Variants in LYPLAL1 observed in about 807,000 individuals in gnomAD.
LYPLAL1 encodes lysophospholipase like 1, also known as lysophospholipase-like protein 1.
A neutral mutation model predicts 19.7 loss-of-function variants in LYPLAL1; 23 were observed. The ratio of observed to expected loss-of-function variants is 1.17; its 90% CI spans 0.84 to 1.65. LYPLAL1 has a LOEUF of 1.65. Ranked by LOEUF, LYPLAL1 falls within the 40% of genes most tolerant of loss-of-function variation. The probability of loss-of-function intolerance (pLI) is 0.00; values close to 1 mark genes in which losing one functional copy is unlikely to be tolerated. For missense variants in LYPLAL1, 355 were observed against 279.4 expected (o/e 1.27, Z -1.93); for synonymous variants, 119 against 96.3 (o/e 1.24, Z -1.38).
chr1:219,326,033 C>A, the LYPLAL1 span, among the ~76,000 whole-genome samples: 1 of 152,162 alleles, frequency 6.6e-6, no homozygotes, highest in East Asian at 1.9e-4. Context: ...CCTGCCTCAG[C>A]CTCCCGAGTA....
At chr1:219,242,950 C>T in the LYPLAL1 span, among the ~76,000 whole-genome samples, 2 of 152,052 alleles carry the variant, frequency 1.3e-5, no homozygotes, top group African/African-American at 2.4e-5. Flanking sequence ...GTGTGTCAAA[C>T]CAGGCATCCG....
At chr1:219,388,848 C>T in the LYPLAL1 span, among the ~76,000 whole-genome samples, 1 of 152,078 alleles carries the variant, frequency 6.6e-6, no homozygotes, top group African/African-American at 2.4e-5. Context: ...TTCATTATTA[C>T]TTGATGAGAC....
At chr1:219,295,453 C>A in the LYPLAL1 span, among the ~76,000 whole-genome samples, 611 of 152,210 alleles carry the variant, frequency 4.0e-3, 12 homozygotes, top group Non-Finnish European at 3.6e-3. Flanking sequence ...AGATATAAGA[C>A]AAATTTTCGG....
chr1:219,352,515 T>G, the LYPLAL1 span, among the ~76,000 whole-genome samples: 2 of 151,814 alleles, frequency 1.3e-5, no homozygotes, highest in Admixed American at 1.3e-4. Flanking sequence ...AGACTCCGTC[T>G]CAAATAAATA....
chr1:219,321,369 A>C, the LYPLAL1 span, among the ~76,000 whole-genome samples: 2 of 151,984 alleles, frequency 1.3e-5, no homozygotes, highest in Admixed American at 1.3e-4. Context: ...AGATTGCAAA[A>C]ATTTTCTCCC....
the LYPLAL1 span, among the ~76,000 whole-genome samples, chr1:219,389,085 A>G: frequency 6.6e-6 from 1 of 152,156 alleles, no homozygotes; most frequent in Non-Finnish European, 1.5e-5. Context: ...TTTGGTATAA[A>G]ATGTATTCTC....
At chr1:219,378,972 AAC>A in the LYPLAL1 span, among the ~76,000 whole-genome samples, 2 of 152,214 alleles carry the variant, frequency 1.3e-5, no homozygotes, top group African/African-American at 4.8e-5. Context: ...GTTAAAGGAA[AAC>A]ACAAATTCAT....
Position 219,211,735 on chromosome 1 carries a change from C to G in LYPLAL1, c.*7C>G. 6.4e-7 allele frequency: 1 copy of G among 1,561,478 alleles called. No individual in the cohort carries two copies. ...AATGGAAAAACAAAAATGAATGAAT[C>G]AAGAGTGATTTGTTAATGTAAGTGT... On this transcript the variant is annotated 3_prime_UTR_variant, in exon 5 of 5. Coordinates refer to ENST00000366928, the MANE Select transcript of LYPLAL1 (RefSeq NM_138794.5).
At chr1:219,190,232 A>G (rs1301277011) in intron 2 of LYPLAL1, among the ~76,000 whole-genome samples, 1 of 151,620 alleles carries the variant, frequency 6.6e-6, no homozygotes, top group African/African-American at 2.4e-5. Flanking sequence ...TTCATTATAT[A>G]TAGCATATGT....
At chr1:219,204,000 T>G (rs1658337281) in intron 3 of LYPLAL1, among the ~76,000 whole-genome samples, 1 of 152,158 alleles carries the variant, frequency 6.6e-6, no homozygotes, top group South Asian at 2.1e-4. Context: ...TATGCACTGC[T>G]TTCTTAATAG....
At chr1:219,342,368 C>T in the LYPLAL1 span, among the ~76,000 whole-genome samples, 621 of 152,192 alleles carry the variant, frequency 4.1e-3, 5 homozygotes, top group Middle Eastern at 0.061. Context: ...TGATTTGGGA[C>T]CCCCTTAGCT....
At chr1:219,287,884 C>T in the LYPLAL1 span, among the ~76,000 whole-genome samples, 91 of 152,232 alleles carry the variant, frequency 6.0e-4, no homozygotes, top group Non-Finnish European at 5.9e-4. Flanking sequence ...AGCACTTCCC[C>T]CTTCACTCTT....
chr1:219,428,248 A>G, the LYPLAL1 span, among the ~76,000 whole-genome samples: 6 of 152,360 alleles, frequency 3.9e-5, no homozygotes, highest in South Asian at 1.0e-3. Flanking sequence ...TGCCATTTGC[A>G]TAAGTGTTTC....
the LYPLAL1 span, among the ~76,000 whole-genome samples, chr1:219,413,718 T>C: frequency 6.6e-6 from 1 of 152,204 alleles, no homozygotes; most frequent in African/African-American, 2.4e-5. Flanking sequence ...TTATATCCAT[T>C]AGCCCTGCCA....
the LYPLAL1 span, among the ~76,000 whole-genome samples, chr1:219,381,990 T>G: frequency 2.6e-5 from 4 of 152,216 alleles, no homozygotes; most frequent in African/African-American, 4.8e-5. Context: ...TAAACAGATC[T>G]AGCCTGCACT....
chr1:219,261,757 G>A, the LYPLAL1 span, among the ~76,000 whole-genome samples: 34,134 of 151,960 alleles, frequency 0.22, 4,135 homozygotes, highest in African/African-American at 0.29. Flanking sequence ...TAGGTTTTTC[G>A]TTACAGGTTA....
chr1:219,439,994 C>CATATAT, the LYPLAL1 span, among the ~76,000 whole-genome samples: 1 of 117,648 alleles, frequency 8.5e-6, no homozygotes, highest in African/African-American at 3.6e-5. Flanking sequence ...TATATATACA[C>CATATAT]ACATATATAT....
the LYPLAL1 span, among the ~76,000 whole-genome samples, chr1:219,295,763 A>G: frequency 6.6e-6 from 1 of 152,134 alleles, no homozygotes; most frequent in African/African-American, 2.4e-5. Context: ...GCTCATCACA[A>G]ATCTGATCAT....
the LYPLAL1 span, among the ~76,000 whole-genome samples, chr1:219,347,617 A>C: frequency 6.6e-6 from 1 of 152,240 alleles, no homozygotes; most frequent in Non-Finnish European, 1.5e-5. Flanking sequence ...TGTAGCTGCC[A>C]ATAGATGCTG....
Sources: allele counts gnomAD v4.1 joint callset (sites outside exome capture counted in the v4.1 genomes callset), GRCh38; gene constraint gnomAD v4.1.1; transcripts MANE v1.5; gene names NCBI Gene and HGNC (gene_info 2026-07-23, HGNC 2026-07-21).